PRKAR1A: variants seen among roughly 807,000 people sequenced by gnomAD.
PRKAR1A encodes the protein cAMP-dependent protein kinase type I-alpha regulatory subunit.
PRKAR1A carries 3 observed loss-of-function variants against 52.0 expected under a neutral mutation model. The ratio of observed to expected loss-of-function variants is 0.06; its 90% CI spans 0.03 to 0.15. The LOEUF (loss-of-function observed/expected upper bound fraction) is 0.15, where lower values mean the gene tolerates loss of function less well. PRKAR1A is among the 10% of genes least tolerant of loss of function. PRKAR1A has a pLI of 1.00. For missense variants in PRKAR1A, 240 were observed against 477.4 expected (o/e 0.50, Z 4.63); for synonymous variants, 188 against 168.4 (o/e 1.12, Z -0.90).
At chr17:68,515,731 G>C in intron 2 of PRKAR1A, 155 bp downstream of exon 2, 1 of 943,344 alleles carries the variant, frequency 1.1e-6, no homozygotes, top group African/African-American at 1.7e-5. Context: ...TAAGGCATTT[G>C]TAGTAATTTA....
chr17:68,458,050 G>A, the PRKAR1A span, among the ~76,000 whole-genome samples: 2,116 of 151,980 alleles, frequency 0.014, 56 homozygotes, highest in African/African-American at 0.049. Flanking sequence ...GAGTTTAGCA[G>A]AGAGCGTTAG....
chr17:68,504,401 A>C, the PRKAR1A span, among the ~76,000 whole-genome samples: 2 of 152,312 alleles, frequency 1.3e-5, no homozygotes, highest in Non-Finnish European at 2.9e-5. Context: ...CAGGAGGCGG[A>C]GGTTGCAGTG....
intron 11 of PRKAR1A, chr17:68,540,586 C>T (rs1251872419): frequency 1.8e-6 from 1 of 566,774 alleles, no homozygotes; most frequent in Non-Finnish European, 3.3e-6. Context: ...ATACAGCTTC[C>T]AATCTGACGC....
intron 2 of PRKAR1A, among the ~76,000 whole-genome samples, chr17:68,516,115 C>T (rs976225610): frequency 2.0e-5 from 3 of 151,918 alleles, no homozygotes; most frequent in Non-Finnish European, 4.4e-5. Context: ...ATTGATGTTC[C>T]TCAAAAATTT....
chr17:68,519,358 AAC>A (rs2085531842), intron 2 of PRKAR1A, among the ~76,000 whole-genome samples: 1 of 152,172 alleles, frequency 6.6e-6, no homozygotes, highest in African/African-American at 2.4e-5. Flanking sequence ...AGGGGAAGCA[AAC>A]ACATTCTTCT....
chr17:68,476,956 G>A, the PRKAR1A span, among the ~76,000 whole-genome samples: 28 of 152,054 alleles, frequency 1.8e-4, no homozygotes, highest in African/African-American at 6.5e-4. Flanking sequence ...CACCGTGCTC[G>A]GCCGAGATTT....
At chr17:68,460,140 G>A in the PRKAR1A span, among the ~76,000 whole-genome samples, 2 of 151,982 alleles carry the variant, frequency 1.3e-5, no homozygotes, top group African/African-American at 4.8e-5. Flanking sequence ...TTTTTTTTTA[G>A]AACTAAATAT....
chr17:68,464,207 G>A, the PRKAR1A span, among the ~76,000 whole-genome samples: 1 of 152,146 alleles, frequency 6.6e-6, no homozygotes, highest in African/African-American at 2.4e-5. Context: ...GCCTCTCCCA[G>A]ACCCACTCGA....
At chr17:68,508,370 T>C (rs373004979), upstream of PRKAR1A, among the ~76,000 whole-genome samples, 13 of 152,330 alleles carry the variant, frequency 8.5e-5, no homozygotes, top group Admixed American at 3.9e-4. Context: ...AATCAAATCA[T>C]GTCTTTCGCA....
intron 2 of PRKAR1A, among the ~76,000 whole-genome samples, chr17:68,521,417 GATGAGGTTTTACAATGTTGCCTA>G (rs1173509329): frequency 6.6e-6 from 1 of 152,218 alleles, no homozygotes; most frequent in Non-Finnish European, 1.5e-5. Flanking sequence ...TTTTTGTAGA[GATGAGGTTTTACAATGTTGCCTA>G]GGCGGGTCTC....
chr17:68,457,778 C>A, the PRKAR1A span, among the ~76,000 whole-genome samples: 1 of 152,116 alleles, frequency 6.6e-6, no homozygotes, highest in East Asian at 1.9e-4. Flanking sequence ...GCCCGGCTGG[C>A]GACCCGCCCC....
chr17:68,489,265 A>AGT, the PRKAR1A span, among the ~76,000 whole-genome samples: 1 of 19,978 alleles, frequency 5.0e-5, no homozygotes, highest in Non-Finnish European at 8.2e-5. Flanking sequence ...ATATATGGAA[A>AGT]GTATATATAT....
the PRKAR1A span, among the ~76,000 whole-genome samples, chr17:68,504,266 A>G: frequency 6.6e-6 from 1 of 151,864 alleles, no homozygotes; most frequent in African/African-American, 2.4e-5. Flanking sequence ...GGAGTTTGAG[A>G]CCAGCCTGAC....
At chr17:68,526,681 C>A (rs2085801915) in intron 7 of PRKAR1A, among the ~76,000 whole-genome samples, 1 of 152,000 alleles carries the variant, frequency 6.6e-6, no homozygotes, top group South Asian at 2.1e-4. Context: ...GAAAACCAAA[C>A]CACATGTTCT....
chr17:68,546,123 T>G (rs771883042), intron 11 of PRKAR1A, among the ~76,000 whole-genome samples: 10 of 141,426 alleles, frequency 7.1e-5, no homozygotes, highest in Non-Finnish European at 1.0e-4. Flanking sequence ...GAGCCGAGAT[T>G]GTGCCACTGC....
the PRKAR1A span, among the ~76,000 whole-genome samples, chr17:68,424,062 G>A: frequency 1.3e-5 from 2 of 152,140 alleles, no homozygotes; most frequent in African/African-American, 2.4e-5. Flanking sequence ...AATAACCACC[G>A]CCTCTTGAGG....
chr17:68,478,728 G>GTTTT, the PRKAR1A span, among the ~76,000 whole-genome samples: 4 of 91,832 alleles, frequency 4.4e-5, 1 homozygote. Context: ...ATGTTGGACA[G>GTTTT]TTTTGTTTTT....
chr17:68,531,613 G>GTATA lies in PRKAR1A; in HGVS notation c.*1165_*1168dup, dbSNP rs1351352220. On this transcript the variant is annotated 3_prime_UTR_variant, in exon 11 of 11. Transcript: ENST00000589228. ...GAATTTCTGGTGGGTTGATGGTAGG[G>GTATA]TATAATGTGTCTGTGTTGCTTCAAA... 1 of 1,066,150 alleles carries GTATA rather than the reference G, an allele frequency of 9.4e-7. No homozygotes were observed. The highest frequency in any genetic ancestry group is 1.1e-6 in the Non-Finnish European group (1 of 879,646). 66.0% of individuals were successfully genotyped at this position (1,066,150 alleles called of 1,614,324 possible).
At chr17:68,457,278 C>T in the PRKAR1A span, 3 of 1,522,216 alleles carry the variant, frequency 2.0e-6, no homozygotes, top group Non-Finnish European at 2.7e-6. Context: ...GCTCTCAGGA[C>T]GACACCCCTG....
Sources: allele counts gnomAD v4.1 joint callset (sites outside exome capture counted in the v4.1 genomes callset), GRCh38; gene constraint gnomAD v4.1.1; transcripts MANE v1.5; gene names NCBI Gene and HGNC (gene_info 2026-07-23, HGNC 2026-07-21).